The following THAP4 variants were observed in gnomAD, a reference collection of about 807,000 sequenced individuals.
THAP4 encodes the protein THAP domain containing 4, also known as peroxynitrite isomerase THAP4.
THAP4 carries 18 observed loss-of-function variants against 48.1 expected under a neutral mutation model. That is an observed-to-expected ratio of 0.37 (90% confidence interval 0.26 to 0.56). The LOEUF (loss-of-function observed/expected upper bound fraction) is 0.56, where lower values mean the gene tolerates loss of function less well. Among genes scored for constraint, THAP4 ranks in the 20% least tolerant of loss-of-function variants. The pLI, the probability that THAP4 is intolerant of heterozygous loss-of-function variation, is 0.78. For synonymous variants in THAP4, 345 were observed against 324.9 expected, an observed-to-expected ratio of 1.06 and a Z score of -0.66; for missense variants, 656 against 774.9, an observed-to-expected ratio of 0.85 and a Z score of 1.82.
chr2:241,620,088 GT>G (rs2067404671), intron 2 of THAP4, among the ~76,000 whole-genome samples: 1 of 103,046 alleles, frequency 9.7e-6, no homozygotes, highest in Non-Finnish European at 2.0e-5. Flanking sequence ...TGAGTGAGGG[GT>G]GAGTGAGTCG....
intron 5 of THAP4, among the ~76,000 whole-genome samples, chr2:241,595,750 C>T (rs991257024): frequency 1.3e-5 from 2 of 152,188 alleles, no homozygotes; most frequent in African/African-American, 4.8e-5. Context: ...CCACCACCAG[C>T]TCCCCGTACC....
rs2067677120 is a variant in THAP4, at chr2:241,636,975, C to T, written c.43G>A (p.Gly15Arg). 3.0e-6 allele frequency: 4 copies of T among 1,325,442 alleles called. 1 individual carries two copies. Among genetic ancestry groups the T allele is most frequent in the African/African-American group, 1.6e-5 (1 of 64,148 alleles). The allele number at this position is 1,325,442 out of a possible 1,614,324, so 82.1% of individuals were successfully genotyped here. Residue 15 changes from glycine (G) to arginine (R), a missense_variant, in exon 1 of 6, where the codon GGA (glycine) becomes AGA (arginine). By Grantham distance (125) the Gly-to-Arg change is moderately radical (BLOSUM62 -2). Around this residue, in one of 4 missense-constraint regions of THAP4, gnomAD observed 59 missense variants for 45.8 expected, o/e 1.29. Coordinates refer to ENST00000407315, the MANE Select transcript of THAP4 (RefSeq NM_015963.6). ...GAGACGGCGCGCTTCTCGCCCTTTC[C>T]CTGCCGGTTGGAGCAGTTCACGGCC... ...CAAVNCSNRQ[G>R]KGEKRAVSFH...
At chr2:241,605,664 C>G (rs1575025455) in intron 3 of THAP4, among the ~76,000 whole-genome samples, 1 of 151,916 alleles carries the variant, frequency 6.6e-6, no homozygotes, top group Non-Finnish European at 1.5e-5. Flanking sequence ...CTCAGGGGTA[C>G]GTGTAAAATA....
intron 5 of THAP4, among the ~76,000 whole-genome samples, chr2:241,592,450 AGTGACAAGCTGTCCCT>A (rs2066995837): frequency 1.3e-5 from 2 of 152,150 alleles, no homozygotes; most frequent in African/African-American, 4.8e-5. Flanking sequence ...ACCGGACATG[AGTGACAAGCTGTCCCT>A]GGGGCAAGCT....
chr2:241,610,897 G>A lies in THAP4; in HGVS notation c.1241-4424C>T, dbSNP rs1012497893. On this transcript the variant is annotated intron_variant, in intron 2 of 5. Coordinates refer to ENST00000407315, the MANE Select transcript of THAP4 (RefSeq NM_015963.6). The surrounding 1 kb of genome is among the most constrained non-coding windows in gnomAD (Gnocchi z 4.2). ...GGCCAGAGACGGGGCCAGAGACAGA[G>A]ACACAGAAAGGGATCTTACTCTTTC... Among the ~76,000 whole-genome samples the A allele has an allele frequency of 6.6e-6, 1 of 152,078 alleles. No individual in the cohort carries two copies. Among genetic ancestry groups the A allele is most frequent in the African/African-American group, 2.4e-5 (1 of 41,410 alleles).
chr2:241,626,922 A>T (rs2067501518), intron 2 of THAP4, among the ~76,000 whole-genome samples: 1 of 152,228 alleles, frequency 6.6e-6, no homozygotes, highest in East Asian at 1.9e-4. Flanking sequence ...CAAATTAAAC[A>T]GATTAGTGTA....
At chr2:241,587,302 C>T (rs920484637) in intron 5 of THAP4, among the ~76,000 whole-genome samples, 5 of 152,168 alleles carry the variant, frequency 3.3e-5, no homozygotes, top group Admixed American at 3.3e-4. Context: ...AGCTGGGATA[C>T]ACTCTTCCTC....
intron 1 of THAP4, among the ~76,000 whole-genome samples, chr2:241,636,301 G>A (rs914670408): frequency 3.9e-5 from 6 of 152,228 alleles, no homozygotes; most frequent in Admixed American, 2.6e-4. Flanking sequence ...TCGCGGTTCT[G>A]GTGCCTCCCG....
intron 5 of THAP4, among the ~76,000 whole-genome samples, chr2:241,586,183 G>C (rs546387820): frequency 6.8e-6 from 1 of 147,092 alleles, no homozygotes; most frequent in Non-Finnish European, 1.5e-5. Flanking sequence ...CGTGAACCCA[G>C]GAGGCGGAGC....
At chr2:241,634,631 C>A (rs986642356) in intron 1 of THAP4, among the ~76,000 whole-genome samples, 1 of 152,254 alleles carries the variant, frequency 6.6e-6, no homozygotes, top group African/African-American at 2.4e-5. Flanking sequence ...GCATGCCCAC[C>A]TCCAGGAGTA....
In THAP4 at chr2:241,633,725, C is replaced by A. The variant is rs138412415; in HGVS notation, c.432G>T (p.Leu144Phe). The A allele has an allele frequency of 1.2e-6, 2 of 1,611,830 alleles. No individual in the cohort carries two copies. Among genetic ancestry groups the A allele is most frequent in the Non-Finnish European group, 1.7e-6 (2 of 1,178,942 alleles). ...NPMAKPESRR[L>F]KQAALQGEAT... ...CTTCACCTTGCAGAGCAGCTTGCTT[C>A]AACCTGCGGGACTCTGGCTTGGCCA... Residue 144 changes from leucine (L) to phenylalanine (F), a missense_variant, in exon 2 of 6, where the codon TTG becomes TTT. Physicochemically the swap from Leu to Phe is conservative, Grantham distance 22. Around this residue, in one of 4 missense-constraint regions of THAP4, gnomAD observed 391 missense variants for 412.4 expected, o/e 0.95. Transcript: ENST00000407315. The surrounding 1 kb of genome is among the most constrained non-coding windows in gnomAD (Gnocchi z 7.5).
In THAP4 at chr2:241,633,627, T is replaced by A; in HGVS notation, c.530A>T (p.Asp177Val). The stretch of plus-strand genomic sequence containing the variant: ...GCCTGCCACCATGGTGGCCAGTCCA[T>A]CTCCTGGAGTCCGTTCCAGAGCTTG... ...AQQALERTPG[D>V]GLATMVAGSQ... Residue 177 changes from aspartate (D) to valine (V), a missense_variant, in exon 2 of 6, where the codon GAT becomes GTT. Physicochemically the swap from Asp to Val is radical, Grantham distance 152. This residue lies in a region of THAP4 where 391 missense variants were observed against 412.4 expected (regional missense o/e 0.95). Coordinates refer to ENST00000407315, the MANE Select transcript of THAP4 (RefSeq NM_015963.6). The surrounding 1 kb of genome is among the most constrained non-coding windows in gnomAD (Gnocchi z 7.5). The A allele has an allele frequency of 6.2e-7, 1 of 1,613,042 alleles. No individual in the cohort carries two copies. The highest frequency in any genetic ancestry group is 8.5e-7 in the Non-Finnish European group (1 of 1,179,948).
intron 5 of THAP4, among the ~76,000 whole-genome samples, chr2:241,596,290 T>A (rs2067045340): frequency 1.3e-5 from 2 of 150,772 alleles, no homozygotes; most frequent in African/African-American, 4.9e-5. Context: ...GTGGATCACC[T>A]GACATCAGGA....
At chr2:241,600,690 T>G (rs866284388) in intron 5 of THAP4, among the ~76,000 whole-genome samples, 21 of 138,172 alleles carry the variant, frequency 1.5e-4, no homozygotes, top group African/African-American at 5.3e-4. Flanking sequence ...ATTGCTCCAC[T>G]GCACTCCAGC....
intron 2 of THAP4, among the ~76,000 whole-genome samples, chr2:241,623,777 CA>C (rs2067463371): frequency 6.6e-6 from 1 of 152,068 alleles, no homozygotes; most frequent in African/African-American, 2.4e-5. Flanking sequence ...ATACCTCCAC[CA>C]AAACTCACAC....
chr2:241,611,796 G>T (rs889030739), intron 2 of THAP4, among the ~76,000 whole-genome samples: 2 of 152,026 alleles, frequency 1.3e-5, no homozygotes, highest in African/African-American at 2.4e-5. Context: ...TCCAGCAATG[G>T]ACTAATGGAC....
intron 5 of THAP4, among the ~76,000 whole-genome samples, chr2:241,598,647 T>G (rs34640906): frequency 0.33 from 49,707 of 151,860 alleles, 8,459 homozygotes; most frequent in South Asian, 0.45. Flanking sequence ...GCAGGGTTCG[T>G]GCTCCTATGA....
intron 1 of THAP4, among the ~76,000 whole-genome samples, chr2:241,636,710 C>A (rs1230747871): frequency 1.3e-5 from 2 of 151,860 alleles, no homozygotes; most frequent in East Asian, 1.9e-4. Context: ...CCGGATCGAT[C>A]GCGCGCAGGG....
chr2:241,592,837 G>A (rs763527627), intron 5 of THAP4, among the ~76,000 whole-genome samples: 2 of 152,330 alleles, frequency 1.3e-5, no homozygotes, highest in Middle Eastern at 3.4e-3. Flanking sequence ...AGCAGTCAGC[G>A]GGGCCACAGT....
Sources: allele counts gnomAD v4.1 joint callset (sites outside exome capture counted in the v4.1 genomes callset), GRCh38; gene constraint gnomAD v4.1.1; regional missense constraint gnomAD v4.1.1; non-coding constraint Gnocchi (gnomAD v3.1); transcripts MANE v1.5; gene names NCBI Gene and HGNC (gene_info 2026-07-23, HGNC 2026-07-21).